Variants in TMEM196 observed in about 807,000 individuals in gnomAD.
TMEM196 encodes transmembrane protein 196.
Under a neutral mutation model 20.0 loss-of-function variants are expected in TMEM196, and 17 were observed. The observed-to-expected ratio is 0.85, with a 90% CI of 0.58 to 1.27. TMEM196 has a LOEUF of 1.27. Ranked by LOEUF, TMEM196 falls within the 50% of genes most tolerant of loss-of-function variation. TMEM196 has a pLI of 0.00. For missense variants in TMEM196, 267 were observed against 223.0 expected, an observed-to-expected ratio of 1.20 and a Z score of -1.26; for synonymous variants, 113 against 88.9, an observed-to-expected ratio of 1.27 and a Z score of -1.52.
intron 1 of TMEM196, among the ~76,000 whole-genome samples, chr7:19,746,067 G>C (rs984335319): frequency 2.0e-5 from 3 of 152,070 alleles, no homozygotes; most frequent in Admixed American, 6.5e-5. Flanking sequence ...ACTACTAAAA[G>C]TTCTGTTCTT....
At chr7:19,729,977 C>A (rs1784137011) in intron 1 of TMEM196, among the ~76,000 whole-genome samples, 1 of 152,106 alleles carries the variant, frequency 6.6e-6, no homozygotes, top group Admixed American at 6.6e-5. Context: ...AAGAGATAGG[C>A]TGGGCGCGGT....
chr7:19,769,439 A>G (rs564095637), intron 1 of TMEM196, among the ~76,000 whole-genome samples: 1 of 152,112 alleles, frequency 6.6e-6, no homozygotes, highest in South Asian at 2.1e-4. Flanking sequence ...TTACACACCT[A>G]AGCCCCAGAA....
In TMEM196 at chr7:19,773,595, G is replaced by T. The variant is rs1324941671; in HGVS notation, c.-899C>A. The T allele has an allele frequency of 1.2e-5, 2 of 169,324 alleles. No homozygotes were observed. Among genetic ancestry groups the T allele is most frequent in the Admixed American group, 1.3e-4 (2 of 15,296 alleles). The allele number at this position is 169,324 out of a possible 1,614,324, so 10.5% of individuals were successfully genotyped here. ...CGCTTCTCCCCGTGGCTCCTTTCTG[G>T]GCTTCTATCCAGCGGAGAGGGGAGG... is the stretch of plus-strand genomic sequence containing the variant. On this transcript the variant is annotated 5_prime_UTR_variant, in exon 1 of 5. Coordinates refer to ENST00000405844, the MANE Select transcript of TMEM196 (RefSeq NM_001363562.2).
At chr7:19,767,828 T>C (rs1785700860) in intron 1 of TMEM196, among the ~76,000 whole-genome samples, 2 of 152,066 alleles carry the variant, frequency 1.3e-5, no homozygotes, top group African/African-American at 4.8e-5. Flanking sequence ...TTGTGTACAT[T>C]TGCAGTAACT....
intron 4 of TMEM196, among the ~76,000 whole-genome samples, chr7:19,723,026 A>AC (rs1425414794): frequency 1.3e-5 from 2 of 151,358 alleles, no homozygotes; most frequent in Non-Finnish European, 3.0e-5. Context: ...ACAGAGCAGA[A>AC]AAAAAAAATT....
intron 1 of TMEM196, among the ~76,000 whole-genome samples, chr7:19,770,822 A>G (rs1785841476): frequency 6.6e-6 from 1 of 152,178 alleles, no homozygotes; most frequent in Non-Finnish European, 1.5e-5. Context: ...AAGAAAAAAT[A>G]TTTAATCATT....
At chr7:19,726,137 A>G (rs1783992720) in intron 2 of TMEM196, among the ~76,000 whole-genome samples, 1 of 152,188 alleles carries the variant, frequency 6.6e-6, no homozygotes, top group African/African-American at 2.4e-5. Context: ...ACTTTAACAA[A>G]TATCATCTCA....
At chr7:19,760,383 C>T (rs13246977) in intron 1 of TMEM196, among the ~76,000 whole-genome samples, 55,038 of 113,238 alleles carry the variant, frequency 0.49, 14,605 homozygotes, top group East Asian at 0.9. Flanking sequence ...TTTTTTGAGA[C>T]GAAGTCTCAC....
chr7:19,755,239 A>C (rs568119610), intron 1 of TMEM196, among the ~76,000 whole-genome samples: 4 of 152,236 alleles, frequency 2.6e-5, no homozygotes, highest in African/African-American at 9.6e-5. Context: ...TGCCCTGATC[A>C]TACTTTTTGG....
Position 19,722,134 on chromosome 7 carries a change from C to T in TMEM196, c.534G>A (p.Arg178=). The part of the protein sequence containing the change: ...VVPPTPELPT[R]K ...CCATTGCTCATGTTGTCTGTTATTT[C>T]CTGTTAGAAAAATGACATGATTAAT... is the stretch of plus-strand genomic sequence containing the variant. The change falls in exon 5 of 5, where the codon AGG becomes AGA. Residue 178 remains arginine, a splice_region_variant and synonymous_variant. Transcript: ENST00000405844. 1 of 1,605,758 alleles carries T rather than the reference C, an allele frequency of 6.2e-7. No homozygotes were observed. Among genetic ancestry groups the T allele is most frequent in the Non-Finnish European group, 8.5e-7 (1 of 1,176,088 alleles).
chr7:19,767,269 A>G (rs966711095), intron 1 of TMEM196, among the ~76,000 whole-genome samples: 1 of 152,200 alleles, frequency 6.6e-6, no homozygotes, highest in East Asian at 1.9e-4. Context: ...ACATATTTAC[A>G]TCTCTTTTGA....
chr7:19,722,175 G>T, intron 4 of TMEM196, 41 bp from the exon 5 acceptor site: 2 of 1,543,972 alleles, frequency 1.3e-6, no homozygotes, highest in Non-Finnish European at 1.8e-6. Flanking sequence ...TTCGCTTTTG[G>T]AGTAAGACAT....
At chr7:19,765,762 A>G (rs2128039645) in intron 1 of TMEM196, among the ~76,000 whole-genome samples, 1 of 152,286 alleles carries the variant, frequency 6.6e-6, no homozygotes, top group South Asian at 2.1e-4. Flanking sequence ...TAGACTAAGT[A>G]TTTACAAAAC....
chr7:19,769,271 C>A (rs1785763327), intron 1 of TMEM196, among the ~76,000 whole-genome samples: 1 of 151,968 alleles, frequency 6.6e-6, no homozygotes, highest in Non-Finnish European at 1.5e-5. Flanking sequence ...ATCTAGCTTT[C>A]TTCTGCATTT....
intron 1 of TMEM196, among the ~76,000 whole-genome samples, chr7:19,745,270 G>C (rs947696001): frequency 6.6e-6 from 1 of 152,092 alleles, no homozygotes; most frequent in Non-Finnish European, 1.5e-5. Context: ...AAAATCTGCA[G>C]TTGGTTGAAT....
intron 1 of TMEM196, among the ~76,000 whole-genome samples, chr7:19,747,495 A>T (rs1407153127): frequency 6.6e-6 from 1 of 152,182 alleles, no homozygotes; most frequent in Non-Finnish European, 1.5e-5. Flanking sequence ...GCTAGGTAAC[A>T]GCCTCTAGGC....
At chr7:19,754,799 T>G (rs74378246) in intron 1 of TMEM196, among the ~76,000 whole-genome samples, 1,590 of 152,296 alleles carry the variant, frequency 0.01, 36 homozygotes, top group African/African-American at 0.036. Flanking sequence ...GACAGTTGGA[T>G]CACATGAAAT....
intron 1 of TMEM196, among the ~76,000 whole-genome samples, chr7:19,740,741 A>G (rs559439647): frequency 2.6e-5 from 4 of 152,084 alleles, no homozygotes; most frequent in Non-Finnish European, 2.9e-5. Flanking sequence ...TTGCCTGCCT[A>G]TATCCAAGGC....
intron 1 of TMEM196, among the ~76,000 whole-genome samples, chr7:19,748,758 G>T (rs1198386648): frequency 6.6e-6 from 1 of 152,210 alleles, no homozygotes; most frequent in Non-Finnish European, 1.5e-5. Flanking sequence ...GAAATTTGGA[G>T]TGGTCTACTA....
Sources: allele counts gnomAD v4.1 joint callset (sites outside exome capture counted in the v4.1 genomes callset), GRCh38; gene constraint gnomAD v4.1.1; transcripts MANE v1.5; gene names NCBI Gene and HGNC (gene_info 2026-07-23, HGNC 2026-07-21).